PDS5A: variants seen among roughly 807,000 people sequenced by gnomAD.
PDS5A encodes sister chromatid cohesion protein PDS5 homolog A.
PDS5A carries 42 observed loss-of-function variants against 167.1 expected under a neutral mutation model. The ratio of observed to expected loss-of-function variants is 0.25; its 90% confidence interval spans 0.20 to 0.33. The LOEUF (loss-of-function observed/expected upper bound fraction) is 0.33, where lower values mean the gene tolerates loss of function less well. Ranked by LOEUF, PDS5A falls within the 10% of genes least tolerant of loss-of-function variation. The pLI is 1.00. For missense variants in PDS5A, 1,033 were observed against 1,605.9 expected, an observed-to-expected ratio of 0.64 and a Z score of 6.10; for synonymous variants, 553 against 554.6, an observed-to-expected ratio of 1.00 and a Z score of 0.04.
At position 39,869,474 on chromosome 4, in the gene PDS5A, T is replaced by A; in HGVS notation, c.2437-12A>T. 6.5e-7 allele frequency: 1 copy of A among 1,546,616 alleles called. No individual in the cohort carries two copies. The highest frequency in any genetic ancestry group is 8.9e-7 in the Non-Finnish European group (1 of 1,123,660). On this transcript the variant is annotated splice_polypyrimidine_tract_variant and intron_variant, in intron 21 of 32. Transcript: ENST00000303538. ...TTTTCACCTGTTGACTATAGACAAT[T>A]GAATAAATTTAGCTATTAGCATGAA...
At chr4:39,962,109 G>A (rs890706381) in intron 2 of PDS5A, among the ~76,000 whole-genome samples, 13 of 151,680 alleles carry the variant, frequency 8.6e-5, no homozygotes, top group Admixed American at 3.3e-4. Flanking sequence ...CCAGGATGGA[G>A]TGCAGTGGCA....
At chr4:39,898,645 T>TG in intron 15 of PDS5A, 117 bp from the exon 16 acceptor site, 1 of 935,182 alleles carries the variant, frequency 1.1e-6, no homozygotes, top group Non-Finnish European at 1.6e-6. Flanking sequence ...TCAGCCTAGC[T>TG]GGTTCTTAGA....
chr4:39,828,037 C>T (rs1049890936), intron 32 of PDS5A, among the ~76,000 whole-genome samples: 1 of 152,146 alleles, frequency 6.6e-6, no homozygotes, highest in South Asian at 2.1e-4. Flanking sequence ...TTCCTTCATC[C>T]GAAACTCAGA....
At position 39,839,759 on chromosome 4, in the gene PDS5A, G is replaced by C. The variant is rs924937764; in HGVS notation, c.3658-1551C>G. Among the ~76,000 whole-genome samples, 28 of 148,176 alleles carry C rather than the reference G, an allele frequency of 1.9e-4. No individual in the cohort carries two copies. The East Asian group carries it at 5.0e-3, about 26-fold the overall frequency. ...GCACTTCAAGAATATGATTCTGGGG[G>C]GGGGGGGCAGGGGAGGAAATAATAT... On this transcript the variant is annotated intron_variant, in intron 31 of 32. Transcript: ENST00000303538.
chr4:39,929,981 C>T lies in PDS5A; in HGVS notation c.139-1817G>A, dbSNP rs1218066596. Among the ~76,000 whole-genome samples, 8 of 150,610 alleles carry T rather than the reference C, an allele frequency of 5.3e-5. No individual in the cohort carries two copies. In the South Asian group the frequency reaches 1.1e-3, roughly 20 times the overall value. On this transcript the variant is annotated intron_variant, in intron 2 of 32. Coordinates refer to ENST00000303538, the MANE Select transcript of PDS5A (RefSeq NM_001100399.2). ...CTGTAATCCCAGCACTTTGGGAGGCCGAGGCGGGCAGATCACGAGGTCAGA... is the reference window on the plus strand; with the variant it reads ...CTGTAATCCCAGCACTTTGGGAGGCTGAGGCGGGCAGATCACGAGGTCAGA...
chr4:39,853,968 G>A (rs1465628588), intron 26 of PDS5A, among the ~76,000 whole-genome samples: 1 of 152,174 alleles, frequency 6.6e-6, no homozygotes, highest in Admixed American at 6.5e-5. Flanking sequence ...ACACGTATTA[G>A]CTGTGTGACT....
At chr4:39,890,402 G>T in intron 16 of PDS5A, 38 bp from the exon 17 acceptor site, 2 of 1,099,158 alleles carry the variant, frequency 1.8e-6, no homozygotes, top group Non-Finnish European at 2.7e-6. Context: ...AACGTGATTT[G>T]CTTTCATATT....
At chr4:39,904,798 G>C (rs766425897) in intron 11 of PDS5A, among the ~76,000 whole-genome samples, 1 of 152,160 alleles carries the variant, frequency 6.6e-6, no homozygotes, top group Non-Finnish European at 1.5e-5. Context: ...TGAGTACCTA[G>C]AACTACAGGT....
At chr4:39,906,943 A>AC (rs1723428808) in intron 11 of PDS5A, among the ~76,000 whole-genome samples, 1 of 150,286 alleles carries the variant, frequency 6.7e-6, no homozygotes, top group East Asian at 1.9e-4. Flanking sequence ...AAAAAAAAAA[A>AC]CAAGCAATAA....
intron 21 of PDS5A, among the ~76,000 whole-genome samples, chr4:39,869,731 T>C (rs1719858448): frequency 1.3e-5 from 2 of 152,156 alleles, no homozygotes. Context: ...AACCCTTGCA[T>C]ATATGGTAAT....
In PDS5A at chr4:39,838,151, T is replaced by C; in HGVS notation, c.3715A>G (p.Arg1239Gly). Reference sequence around the variant, plus strand: ...TCTGCACCAGCTGCTGTTACTGTTCTTTTCTTTCCTCGGTCACTGCTGATG... The same window carrying C: ...TCTGCACCAGCTGCTGTTACTGTTCCTTTCTTTCCTCGGTCACTGCTGATG... ...GNISSDRGKK[R>G]TVTAAGAENI... Residue 1239 changes from arginine to glycine, a missense_variant, in exon 32 of 33, where the codon AGA becomes GGA. This residue lies in a region of PDS5A where 233 missense variants were observed against 264.0 expected (regional missense o/e 0.88). Transcript: ENST00000303538. The C allele has an allele frequency of 5.6e-6, 9 of 1,613,408 alleles. No homozygotes were observed. The highest frequency in any genetic ancestry group is 7.6e-6 in the Non-Finnish European group (9 of 1,179,684).
At chr4:39,975,189 T>G (rs1476582198) in intron 2 of PDS5A, among the ~76,000 whole-genome samples, 1 of 151,446 alleles carries the variant, frequency 6.6e-6, no homozygotes, top group African/African-American at 2.4e-5. Flanking sequence ...TGAGGCAGAA[T>G]AGCTTGAACC....
chr4:39,926,968 T>C lies in PDS5A; in HGVS notation c.343-107A>G, dbSNP rs10019002. The stretch of plus-strand genomic sequence containing the variant: ...GTGTACAAACTACAATAAAAGAAAA[T>C]TCTCCTTTAGATGAATGTCTTGGGA... On this transcript the variant is annotated intron_variant, in intron 3 of 32. Transcript: ENST00000303538. The C allele has an allele frequency of 9.2e-4, 869 of 944,192 alleles. 8 individuals are homozygous for C. In the African/African-American group the frequency reaches 0.013, roughly 14 times the overall value. 58.5% of individuals were successfully genotyped at this position (944,192 alleles called of 1,614,324 possible). A position where few individuals can be genotyped will look rare whatever the true frequency, so the allele number is the denominator to read the frequency against.
chr4:39,884,861 T>A (rs970366807), intron 17 of PDS5A, among the ~76,000 whole-genome samples: 1 of 152,170 alleles, frequency 6.6e-6, no homozygotes, highest in Non-Finnish European at 1.5e-5. Context: ...CTACTTCCTA[T>A]AGACCATTAA....
chr4:39,973,317 T>C, intron 2 of PDS5A: 1 of 1,607,412 alleles, frequency 6.2e-7, no homozygotes. Context: ...GTTCCTGACC[T>C]TGTACATGAA....
intron 26 of PDS5A, among the ~76,000 whole-genome samples, chr4:39,852,600 C>T (rs2109523402): frequency 6.6e-6 from 1 of 152,284 alleles, no homozygotes; most frequent in East Asian, 1.9e-4. Context: ...TATAACTGCT[C>T]ATTCTATTAG....
Position 39,977,131 on chromosome 4 carries a change from G to C in PDS5A, c.-41+326C>G, listed in dbSNP as rs920543009. 1.3e-5 allele frequency among the ~76,000 whole-genome samples: 2 copies of C among 151,724 alleles called. No individual in the cohort carries two copies. Among genetic ancestry groups the C allele is most frequent in the Admixed American group, 1.3e-4 (2 of 15,250 alleles). On this transcript the variant is annotated intron_variant, in intron 1 of 32. Transcript: ENST00000303538. The surrounding 1 kb of genome is among the most constrained non-coding windows in gnomAD (Gnocchi z 4.2). ...CCAGCCGAGCCTCGGACCCGGGGTA[G>C]TCCCCGCCGCGCTGCCACCCCTCCC...
chr4:39,911,304 G>A (rs1188509164), intron 9 of PDS5A, among the ~76,000 whole-genome samples: 1 of 151,880 alleles, frequency 6.6e-6, no homozygotes, highest in African/African-American at 2.4e-5. Flanking sequence ...GCCGAGGCAG[G>A]AGAATTGCTT....
intron 17 of PDS5A, among the ~76,000 whole-genome samples, chr4:39,887,752 C>G (rs998509841): frequency 3.3e-5 from 5 of 152,018 alleles, no homozygotes; most frequent in Non-Finnish European, 5.9e-5. Context: ...TGGTTCTGCA[C>G]AGCTAAGGGA....
Sources: allele counts gnomAD v4.1 joint callset (sites outside exome capture counted in the v4.1 genomes callset), GRCh38; gene constraint gnomAD v4.1.1; regional missense constraint gnomAD v4.1.1; non-coding constraint Gnocchi (gnomAD v3.1); transcripts MANE v1.5; gene names NCBI Gene and HGNC (gene_info 2026-07-23, HGNC 2026-07-21).